TRIM37: variants seen among roughly 807,000 people sequenced by gnomAD.
TRIM37 encodes the protein tripartite motif containing 37, also known as E3 ubiquitin-protein ligase TRIM37.
TRIM37 carries 80 observed loss-of-function variants against 129.8 expected under a neutral mutation model. The ratio of observed to expected loss-of-function variants is 0.62; its 90% CI spans 0.51 to 0.74. The LOEUF (loss-of-function observed/expected upper bound fraction) is 0.74. Among genes scored for constraint, TRIM37 ranks in the 30% least tolerant of loss-of-function variants. The pLI is 0.00. For missense variants in TRIM37, 1,054 were observed against 1,176.5 expected, an observed-to-expected ratio of 0.90 and a Z score of 1.52; for synonymous variants, 389 against 387.1, an observed-to-expected ratio of 1.00 and a Z score of -0.06.
chr17:59,012,430 C>T lies in TRIM37; in HGVS notation c.2593G>A (p.Gly865Ser), dbSNP rs1389126940. The T allele has an allele frequency of 6.2e-7, 1 of 1,608,144 alleles. No homozygotes were observed. The highest frequency in any genetic ancestry group is 1.1e-5 in the South Asian group (1 of 91,036). Residue 865 changes from glycine to serine, a missense_variant, in exon 22 of 24, where the codon GGT becomes AGT. Gly to Ser is a moderately conservative substitution (Grantham distance 56, BLOSUM62 0). Coordinates refer to ENST00000262294, the MANE Select transcript of TRIM37 (RefSeq NM_015294.6). ...GTCATCTGCAGTCCTTCCAGATGAC[C>T]TCCTTTAGCATTAGCCCTCAAAGAA... ...MVTLGANAKG[G>S]HLEGLQMTDL...
intron 19 of TRIM37, among the ~76,000 whole-genome samples, chr17:59,017,698 C>T (rs2036123096): frequency 6.6e-6 from 1 of 151,938 alleles, no homozygotes; most frequent in South Asian, 2.1e-4. Context: ...GATCTTGGCT[C>T]ACTACAACCT....
intron 10 of TRIM37, 31 bp downstream of exon 10, chr17:59,064,324 C>A: frequency 6.4e-7 from 1 of 1,562,518 alleles, no homozygotes; most frequent in Admixed American, 1.8e-5. Context: ...TATACACATA[C>A]AAAAAAACCA....
At chr17:59,027,119 C>T (rs982860162) in intron 19 of TRIM37, among the ~76,000 whole-genome samples, 3 of 152,058 alleles carry the variant, frequency 2.0e-5, no homozygotes, top group Admixed American at 6.6e-5. Context: ...CAGCATTGAC[C>T]TCTCTCTGAG....
chr17:59,019,715 A>T (rs894402419), intron 19 of TRIM37, among the ~76,000 whole-genome samples: 1 of 152,128 alleles, frequency 6.6e-6, no homozygotes, highest in African/African-American at 2.4e-5. Context: ...CTCAAAAAAA[A>T]AAAAGTCCAG....
chr17:59,047,829 T>C lies in TRIM37; in HGVS notation c.1531-10A>G. On this transcript the variant is annotated splice_polypyrimidine_tract_variant and intron_variant, in intron 15 of 23. Coordinates refer to ENST00000262294, the MANE Select transcript of TRIM37 (RefSeq NM_015294.6). The stretch of plus-strand genomic sequence containing the variant: ...CATCTGAAAGCTCGTGCTAGATCAA[T>C]GCCAAGAAAACAAGACGTCTATTCC... The C allele has an allele frequency of 6.2e-7, 1 of 1,613,786 alleles. No individual in the cohort carries two copies. Among genetic ancestry groups the C allele is most frequent in the Non-Finnish European group, 8.5e-7 (1 of 1,180,010 alleles).
intron 2 of TRIM37, among the ~76,000 whole-genome samples, chr17:59,102,169 A>G (rs1426934514): frequency 2.0e-5 from 3 of 152,238 alleles, no homozygotes; most frequent in Non-Finnish European, 4.4e-5. Context: ...TAAAGCTGCT[A>G]AAGTAAATCA....
intron 19 of TRIM37, among the ~76,000 whole-genome samples, chr17:59,023,225 G>A (rs2036824337): frequency 6.6e-6 from 1 of 152,104 alleles, no homozygotes; most frequent in Non-Finnish European, 1.5e-5. Context: ...ACAGGCATAT[G>A]CCATCATGCC....
intron 2 of TRIM37, among the ~76,000 whole-genome samples, chr17:59,102,012 A>C (rs1012936718): frequency 6.6e-6 from 1 of 152,078 alleles, no homozygotes; most frequent in Non-Finnish European, 1.5e-5. Context: ...AGCAGAACAG[A>C]ACAAAAAGAA....
At chr17:58,972,345 G>T in the TRIM37 span, 4 of 1,499,244 alleles carry the variant, frequency 2.7e-6, no homozygotes, top group Non-Finnish European at 3.6e-6. Flanking sequence ...TATTGATTAG[G>T]ATTCACTTAC....
At chr17:59,009,833 A>T (rs975791085) in intron 22 of TRIM37, among the ~76,000 whole-genome samples, 16 of 152,246 alleles carry the variant, frequency 1.1e-4, no homozygotes, top group African/African-American at 3.6e-4. Context: ...AACTAGGTTA[A>T]CAAAAGCAAC....
intron 22 of TRIM37, among the ~76,000 whole-genome samples, chr17:59,011,795 TAAG>T (rs964556631): frequency 2.0e-5 from 3 of 152,324 alleles, no homozygotes; most frequent in African/African-American, 4.8e-5. Context: ...AATGCTTCTT[TAAG>T]AAGAATAAAG....
chr17:59,075,617 A>C, intron 8 of TRIM37, 30 bp downstream of exon 8: 1 of 1,468,584 alleles, frequency 6.8e-7, no homozygotes, highest in East Asian at 2.3e-5. Flanking sequence ...AAGGATAAAG[A>C]CTATTTCATT....
chr17:59,032,192 C>A, intron 17 of TRIM37, 102 bp from the exon 18 acceptor site: 5 of 1,258,262 alleles, frequency 4.0e-6, no homozygotes, highest in Non-Finnish European at 5.7e-6. Flanking sequence ...TGTCTATGGA[C>A]CTATCTCTTA....
intron 2 of TRIM37, among the ~76,000 whole-genome samples, chr17:59,094,871 C>A (rs769761396): frequency 5.9e-5 from 9 of 151,996 alleles, no homozygotes; most frequent in Non-Finnish European, 1.2e-4. Context: ...AGAGAAAAGG[C>A]CAGGACTGAA....
rs1035194073 is a variant in TRIM37 at position 59,029,984 on chromosome 17, AGATATTCATCAG to A, written c.1949-1273_1949-1262del. On this transcript the variant is annotated intron_variant, in intron 18 of 23. Transcript: ENST00000262294. The stretch of plus-strand genomic sequence containing the variant: ...CATCTTCCTGACACTCAGTAAAAAC[AGATATTCATCAG>A]GATTATGTTCCTGGCTCTCTTCTTT... Among the ~76,000 whole-genome samples, 30 of 141,748 alleles carry A rather than the reference AGATATTCATCAG, an allele frequency of 2.1e-4. No individual in the cohort carries two copies. In the South Asian group the frequency reaches 3.8e-3, roughly 18 times the overall value. The allele number at this position is 141,748 out of a possible 152,430, so 93.0% of individuals were successfully genotyped here.
chr17:59,093,709 A>G (rs192859078), intron 2 of TRIM37, among the ~76,000 whole-genome samples: 1 of 152,264 alleles, frequency 6.6e-6, no homozygotes, highest in East Asian at 1.9e-4. Flanking sequence ...AAACAGGCTT[A>G]CTGCTGCACT....
chr17:59,024,320 T>G (rs914894614), intron 19 of TRIM37, among the ~76,000 whole-genome samples: 1 of 150,912 alleles, frequency 6.6e-6, no homozygotes, highest in African/African-American at 2.4e-5. Flanking sequence ...GAAAATACTA[T>G]CAGAGAAAAA....
chr17:58,985,467 G>A (rs928104060), intron 24 of TRIM37, among the ~76,000 whole-genome samples: 35 of 152,182 alleles, frequency 2.3e-4, no homozygotes, highest in Admixed American at 2.3e-3. Flanking sequence ...CTAAGCGGTG[G>A]TCATCAAATC....
chr17:58,980,660 G>T (rs2031301794), downstream of TRIM37: 1 of 1,614,016 alleles, frequency 6.2e-7, no homozygotes, highest in Non-Finnish European at 8.5e-7. The surrounding 1 kb of genome is among the most constrained non-coding windows in gnomAD (Gnocchi z 4.7). Context: ...TTTCAATTTG[G>T]GTTCAACAGG....
Sources: gnomAD v4.1 joint callset for allele counts (sites outside exome capture counted in the v4.1 genomes callset) on GRCh38, gnomAD v4.1.1 for gene constraint, Gnocchi (gnomAD v3.1) non-coding constraint, MANE v1.5 for transcripts, NCBI Gene and HGNC (gene_info 2026-07-23, HGNC 2026-07-21) for gene names.